Variants in NCKAP5 observed in about 807,000 individuals in gnomAD.
The protein encoded by NCKAP5 is NCK associated protein 5.
In NCKAP5, 92 loss-of-function variants were observed where a neutral mutation model predicts 167.0. The observed-to-expected ratio is 0.55, with a 90% CI of 0.47 to 0.66. The LOEUF is 0.66. Ranked by LOEUF, NCKAP5 falls within the 30% of genes least tolerant of loss-of-function variation. The pLI is 0.00. For missense variants in NCKAP5, 2,378 were observed against 2,315.0 expected (o/e 1.03, Z -0.56); for synonymous variants, 891 against 877.4 (o/e 1.02, Z -0.27).
At chr2:133,118,422 G>A (rs2082149170) in intron 6 of NCKAP5, 2 of 152,010 alleles carry the variant, frequency 1.3e-5, no homozygotes, top group South Asian at 2.1e-4. Context: ...TCAATATGAT[G>A]GACCAGGTTG....
At chr2:132,685,112 T>A (rs1224640347) in intron 19 of NCKAP5, among the ~76,000 whole-genome samples, 1 of 152,230 alleles carries the variant, frequency 6.6e-6, no homozygotes, top group Non-Finnish European at 1.5e-5. Context: ...TCATCCATTT[T>A]GGGGACTGAA....
intron 3 of NCKAP5, among the ~76,000 whole-genome samples, chr2:133,499,576 T>C (rs1682300682): frequency 7.5e-6 from 1 of 133,502 alleles, no homozygotes; most frequent in Non-Finnish European, 1.6e-5. Flanking sequence ...TTTTGTTTTT[T>C]TGAGATGGAG....
At chr2:133,373,217 C>G (rs112189266) in intron 3 of NCKAP5, among the ~76,000 whole-genome samples, 1 of 152,032 alleles carries the variant, frequency 6.6e-6, no homozygotes, top group Non-Finnish European at 1.5e-5. Flanking sequence ...GGCCACCATG[C>G]CTGGCTAATT....
At chr2:133,393,605 A>G (rs1687558872) in intron 3 of NCKAP5, among the ~76,000 whole-genome samples, 2 of 152,250 alleles carry the variant, frequency 1.3e-5, no homozygotes, top group African/African-American at 4.8e-5. Flanking sequence ...GAGTTAGTGC[A>G]GCTTACAGAT....
At chr2:133,280,547 G>A (rs900749196) in intron 4 of NCKAP5, among the ~76,000 whole-genome samples, 4 of 152,052 alleles carry the variant, frequency 2.6e-5, no homozygotes, top group East Asian at 1.9e-4. Flanking sequence ...GGGAGGTCCC[G>A]GGGCTTAGCA....
chr2:133,582,545 A>T, the NCKAP5 span, among the ~76,000 whole-genome samples: 1 of 152,154 alleles, frequency 6.6e-6, no homozygotes, highest in African/African-American at 2.4e-5. Context: ...CCCCTCACAC[A>T]CACATGCACG....
At chr2:133,359,873 A>C (rs553219579) in intron 3 of NCKAP5, among the ~76,000 whole-genome samples, 4 of 152,230 alleles carry the variant, frequency 2.6e-5, no homozygotes, top group Non-Finnish European at 5.9e-5. Flanking sequence ...TAGCCACCTT[A>C]TTCGAAAATG....
rs751025050 is a variant in NCKAP5 at position 133,518,344 on chromosome 2, ATTTTTTTTT to A, written c.-61-766_-61-758del. Among the ~76,000 whole-genome samples, 165 of 74,654 alleles carry A rather than the reference ATTTTTTTTT, an allele frequency of 2.2e-3. 4 individuals are homozygous for A. The highest frequency in any genetic ancestry group is 0.018 in the East Asian group (32 of 1,776). The allele number at this position is 74,654 out of a possible 152,430, so 49.0% of individuals were successfully genotyped here. On this transcript the variant is annotated intron_variant, in intron 2 of 19. Transcript: ENST00000409261. ...TAAAAGAAATGGGTTACAGTAAAGG[ATTTTTTTTT>A]TTTTTTTTTTTTTTTTTTTGGGATG...
intron 4 of NCKAP5, among the ~76,000 whole-genome samples, chr2:133,298,302 A>G (rs1574635401): frequency 6.6e-6 from 1 of 152,122 alleles, no homozygotes; most frequent in African/African-American, 2.4e-5. Flanking sequence ...AATTATTCTG[A>G]CTATCCAAGT....
intron 19 of NCKAP5, among the ~76,000 whole-genome samples, chr2:132,680,000 C>T (rs1050522861): frequency 6.6e-6 from 1 of 152,126 alleles, no homozygotes; most frequent in African/African-American, 2.4e-5. Flanking sequence ...AATGCCGCCT[C>T]TTACTGCATT....
chr2:132,753,205 CA>C (rs1162884137), intron 16 of NCKAP5, among the ~76,000 whole-genome samples: 2 of 152,268 alleles, frequency 1.3e-5, no homozygotes, highest in African/African-American at 4.8e-5. Flanking sequence ...ATTAAAGAGC[CA>C]AAATGAAGGG....
intron 8 of NCKAP5, among the ~76,000 whole-genome samples, chr2:132,905,116 T>G (rs1693909100): frequency 6.6e-6 from 1 of 152,176 alleles, no homozygotes; most frequent in Admixed American, 6.5e-5. Context: ...TTTTGGTACA[T>G]TTATCTCTTT....
chr2:132,768,190 C>T (rs578246513), intron 16 of NCKAP5, among the ~76,000 whole-genome samples: 12 of 152,316 alleles, frequency 7.9e-5, no homozygotes, highest in Admixed American at 7.8e-4. Context: ...CCACACAATC[C>T]TAATAGGATT....
At chr2:133,331,813 A>T (rs1682873564) in intron 3 of NCKAP5, among the ~76,000 whole-genome samples, 1 of 152,220 alleles carries the variant, frequency 6.6e-6, no homozygotes, top group Non-Finnish European at 1.5e-5. Context: ...TGCCACACAC[A>T]AAGTGACAAA....
chr2:133,087,032 C>T (rs1477008972), intron 6 of NCKAP5, among the ~76,000 whole-genome samples: 1 of 152,128 alleles, frequency 6.6e-6, no homozygotes, highest in Non-Finnish European at 1.5e-5. Flanking sequence ...GGAGAATTCT[C>T]AGACACAGAA....
At chr2:133,503,671 G>C (rs1682740067) in intron 3 of NCKAP5, among the ~76,000 whole-genome samples, 1 of 152,076 alleles carries the variant, frequency 6.6e-6, no homozygotes, top group East Asian at 1.9e-4. Context: ...TTTTTCATGG[G>C]GATCCGGTAA....
chr2:132,767,199 A>C (rs911032859), intron 16 of NCKAP5, among the ~76,000 whole-genome samples: 1 of 152,106 alleles, frequency 6.6e-6, no homozygotes, highest in African/African-American at 2.4e-5. Flanking sequence ...AACCAGTACC[A>C]AGTGTCCCAA....
intron 3 of NCKAP5, among the ~76,000 whole-genome samples, chr2:133,456,769 C>A (rs926486616): frequency 6.6e-6 from 1 of 152,092 alleles, no homozygotes; most frequent in African/African-American, 2.4e-5. Flanking sequence ...TTTAATTGGC[C>A]TTTCTTGTTT....
chr2:133,012,757 G>A (rs1210210210), intron 6 of NCKAP5, among the ~76,000 whole-genome samples: 5 of 152,002 alleles, frequency 3.3e-5, no homozygotes, highest in Admixed American at 6.6e-5. Context: ...TAGGATCTCA[G>A]TCTTCTGTTT....
Sources: gnomAD v4.1 joint callset for allele counts (sites outside exome capture counted in the v4.1 genomes callset) on GRCh38, gnomAD v4.1.1 for gene constraint, MANE v1.5 for transcripts, NCBI Gene and HGNC (gene_info 2026-07-23, HGNC 2026-07-21) for gene names.